Variants in MTUS2 observed in about 807,000 individuals in gnomAD.
MTUS2 encodes the protein microtubule-associated tumor suppressor candidate 2.
MTUS2 carries 40 observed loss-of-function variants against 114.1 expected under a neutral mutation model. That is an observed-to-expected ratio of 0.35 (90% CI 0.27 to 0.46). MTUS2 has a LOEUF of 0.46. Ranked by LOEUF, MTUS2 falls within the 20% of genes least tolerant of loss-of-function variation. MTUS2 has a pLI of 1.00. For synonymous variants in MTUS2, 688 were observed against 672.0 expected, an observed-to-expected ratio of 1.02 and a Z score of -0.37; for missense variants, 1,679 against 1,705.4, an observed-to-expected ratio of 0.98 and a Z score of 0.27.
chr13:29,027,907 G>A (rs1396661856), intron 3 of MTUS2, among the ~76,000 whole-genome samples: 1 of 152,076 alleles, frequency 6.6e-6, no homozygotes, highest in Non-Finnish European at 1.5e-5. Flanking sequence ...CCACCACAAA[G>A]GAAGGAGAGC....
intron 2 of MTUS2, among the ~76,000 whole-genome samples, chr13:28,907,693 A>G (rs896969232): frequency 1.3e-5 from 2 of 151,588 alleles, no homozygotes; most frequent in Non-Finnish European, 2.9e-5. Flanking sequence ...AATTCAACAA[A>G]AAGAGCTAAC....
rs764418916 is a variant in MTUS2 at position 29,493,397 on chromosome 13, C to T, written c.3579+678C>T. Among the ~76,000 whole-genome samples, 6 of 152,228 alleles carry T rather than the reference C, an allele frequency of 3.9e-5. No individual in the cohort carries two copies. In the South Asian group the frequency reaches 6.2e-4, roughly 16 times the overall value. On this transcript the variant is annotated intron_variant, in intron 12 of 15. Coordinates refer to ENST00000612955, the MANE Select transcript of MTUS2 (RefSeq NM_001033602.4). ...AGAGCTGCCTGGGAAGCCAGGGGGACGCTAGGGGCCCTGCTTCCATTTCCA... is the reference window on the plus strand; with the variant it reads ...AGAGCTGCCTGGGAAGCCAGGGGGATGCTAGGGGCCCTGCTTCCATTTCCA...
Position 29,228,456 on chromosome 13 carries a change from A to G in MTUS2, c.2645-53248A>G, listed in dbSNP as rs1896197630. Reference sequence around the variant, plus strand: ...CCATCTCAGCTTCCTAAGTAGCTGGAACATCAGGAGTGTGCCACCACACCT... The same window carrying G: ...CCATCTCAGCTTCCTAAGTAGCTGGGACATCAGGAGTGTGCCACCACACCT... On this transcript the variant is annotated intron_variant, in intron 5 of 15. Coordinates refer to ENST00000612955, the MANE Select transcript of MTUS2 (RefSeq NM_001033602.4). 6.6e-5 allele frequency among the ~76,000 whole-genome samples: 10 copies of G among 152,102 alleles called. No homozygotes were observed. The South Asian group carries it at 2.1e-3, about 32-fold the overall frequency.
intron 7 of MTUS2, among the ~76,000 whole-genome samples, chr13:29,333,946 CT>C (rs1900923405): frequency 6.6e-6 from 1 of 152,108 alleles, no homozygotes; most frequent in Non-Finnish European, 1.5e-5. Flanking sequence ...ATATAATGCC[CT>C]TCTTTGCCTT....
At chr13:29,211,052 T>C (rs1330594075) in intron 5 of MTUS2, among the ~76,000 whole-genome samples, 3 of 152,076 alleles carry the variant, frequency 2.0e-5, no homozygotes, top group Non-Finnish European at 4.4e-5. Flanking sequence ...GTGTTCTTTG[T>C]CTTCAGCTAC....
intron 8 of MTUS2, among the ~76,000 whole-genome samples, chr13:29,417,074 C>T (rs1593420903): frequency 6.6e-6 from 1 of 152,180 alleles, no homozygotes; most frequent in Non-Finnish European, 1.5e-5. Flanking sequence ...GCTCACAGTT[C>T]TGCAGGTTGT....
intron 2 of MTUS2, among the ~76,000 whole-genome samples, chr13:29,011,716 A>G (rs1288954082): frequency 6.6e-6 from 1 of 152,212 alleles, no homozygotes; most frequent in African/African-American, 2.4e-5. Flanking sequence ...TTTCTTCATT[A>G]CAAAGTCTAA....
intron 6 of MTUS2, among the ~76,000 whole-genome samples, chr13:29,295,968 C>T (rs1160492964): frequency 1.3e-5 from 2 of 152,186 alleles, no homozygotes; most frequent in Admixed American, 1.3e-4. Flanking sequence ...ATGGTAGCTA[C>T]AATTCAAGAT....
chr13:29,493,730 T>C (rs1168009347), intron 12 of MTUS2, among the ~76,000 whole-genome samples: 3 of 152,168 alleles, frequency 2.0e-5, no homozygotes, highest in Non-Finnish European at 4.4e-5. Context: ...CGTATACACA[T>C]CCTGCACCAA....
At chr13:29,248,258 G>A (rs377220661) in intron 5 of MTUS2, among the ~76,000 whole-genome samples, 2 of 151,956 alleles carry the variant, frequency 1.3e-5, no homozygotes, top group African/African-American at 2.4e-5. Context: ...AGGGTGGGAG[G>A]GGGGTCATGG....
In MTUS2 at chr13:29,480,762, A is replaced by G. The variant is rs1881105910; in HGVS notation, c.3399+398A>G. On this transcript the variant is annotated intron_variant, in intron 10 of 15. Transcript: ENST00000612955. This position sits in a 1 kb window ranked among gnomAD's most constrained non-coding sequence, Gnocchi z 4.4. Reference sequence around the variant, plus strand: ...TAGTGTTCCTTCAGCACTTATCACTAACACATACATTTTTGCTTTTCTACC... The same window carrying G: ...TAGTGTTCCTTCAGCACTTATCACTGACACATACATTTTTGCTTTTCTACC... Among the ~76,000 whole-genome samples the G allele has an allele frequency of 6.6e-6, 1 of 152,054 alleles. No homozygotes were observed. Among genetic ancestry groups the G allele is most frequent in the South Asian group, 2.1e-4 (1 of 4,822 alleles).
In MTUS2 at chr13:29,055,266, G is replaced by A. The variant is rs191330487; in HGVS notation, c.2446+21141G>A. On this transcript the variant is annotated intron_variant, in intron 4 of 15. Coordinates refer to ENST00000612955, the MANE Select transcript of MTUS2 (RefSeq NM_001033602.4). Reference sequence around the variant, plus strand: ...TGATGTCTTCTTACTGAATTTACTGGCTTTCATTATGAAATATGCATCTTT... The same window carrying A: ...TGATGTCTTCTTACTGAATTTACTGACTTTCATTATGAAATATGCATCTTT... Among the ~76,000 whole-genome samples, 96 of 152,046 alleles carry A rather than the reference G, an allele frequency of 6.3e-4. 1 individual carries two copies. The South Asian group carries it at 0.012, about 20-fold the overall frequency.
intron 5 of MTUS2, among the ~76,000 whole-genome samples, chr13:29,146,422 A>G (rs1466433677): frequency 2.0e-5 from 3 of 152,244 alleles, no homozygotes; most frequent in African/African-American, 7.2e-5. Context: ...ACAGAGTTAC[A>G]CTCGCATTTC....
intron 5 of MTUS2, among the ~76,000 whole-genome samples, chr13:29,157,496 G>A (rs192054333): frequency 6.5e-4 from 99 of 152,180 alleles, no homozygotes; most frequent in African/African-American, 2.2e-3. Flanking sequence ...TTGTGTCAAC[G>A]TTGACCCATG....
chr13:28,928,398 A>G (rs139448995), intron 2 of MTUS2, among the ~76,000 whole-genome samples: 1 of 152,354 alleles, frequency 6.6e-6, no homozygotes, highest in East Asian at 1.9e-4. Context: ...GAACTCAGAC[A>G]ACTTAATAGC....
At chr13:29,388,368 C>T (rs910306837) in intron 8 of MTUS2, among the ~76,000 whole-genome samples, 1 of 151,140 alleles carries the variant, frequency 6.6e-6, no homozygotes, top group East Asian at 1.9e-4. Flanking sequence ...AACACTTGAT[C>T]GAATGTAGCA....
At chr13:28,880,849 T>C (rs552511425) in intron 2 of MTUS2, among the ~76,000 whole-genome samples, 110 of 152,332 alleles carry the variant, frequency 7.2e-4, no homozygotes, top group African/African-American at 2.5e-3. Context: ...AGAGAAATCT[T>C]ATAAAAGGTG....
chr13:29,456,996 T>C (rs951026508), intron 9 of MTUS2, among the ~76,000 whole-genome samples: 19 of 147,576 alleles, frequency 1.3e-4, no homozygotes, highest in African/African-American at 4.8e-4. Flanking sequence ...AAAAAAAAAA[T>C]TAGCCAGGCA....
At position 28,999,009 on chromosome 13, in the gene MTUS2, A is replaced by G. The variant is rs949768678; in HGVS notation, c.-242-25448A>G. ...GGTTTTTCTGCTCTGTTTTTTCCCCATCTTTGTGGTTTTATCTACCTTTGG... is the reference window on the plus strand; with the variant it reads ...GGTTTTTCTGCTCTGTTTTTTCCCCGTCTTTGTGGTTTTATCTACCTTTGG... On this transcript the variant is annotated intron_variant, in intron 2 of 15. Transcript: ENST00000612955. 2.0e-5 allele frequency among the ~76,000 whole-genome samples: 3 copies of G among 151,884 alleles called. No homozygotes were observed. In the South Asian group the frequency reaches 6.2e-4, roughly 32 times the overall value.
Sources: gnomAD v4.1 joint callset for allele counts (sites outside exome capture counted in the v4.1 genomes callset) on GRCh38, gnomAD v4.1.1 for gene constraint, Gnocchi (gnomAD v3.1) non-coding constraint, MANE v1.5 for transcripts, NCBI Gene and HGNC (gene_info 2026-07-23, HGNC 2026-07-21) for gene names.